PLCZ1: variants seen among roughly 807,000 people sequenced by gnomAD.
The protein encoded by PLCZ1 is 1-phosphatidylinositol 4,5-bisphosphate phosphodiesterase zeta-1.
A neutral mutation model predicts 76.8 loss-of-function variants in PLCZ1; 64 were observed. The observed-to-expected ratio is 0.83, with a 90% CI of 0.68 to 1.03. The LOEUF is 1.03. Ranked by LOEUF, PLCZ1 falls within the 50% of genes least tolerant of loss-of-function variation. The probability of loss-of-function intolerance (pLI) is 0.00; values close to 1 mark genes in which losing one functional copy is unlikely to be tolerated. For missense variants in PLCZ1, 751 were observed against 713.7 expected (o/e 1.05, Z -0.60); for synonymous variants, 248 against 230.8 (o/e 1.07, Z -0.68).
chr12:18,721,755 C>A (rs1222547528), intron 4 of PLCZ1, among the ~76,000 whole-genome samples: 1 of 151,294 alleles, frequency 6.6e-6, no homozygotes, highest in Non-Finnish European at 1.5e-5. Context: ...ATCAGTTCTG[C>A]TTAGTGATAT....
the PLCZ1 span, among the ~76,000 whole-genome samples, chr12:18,661,088 C>A: frequency 1.3e-5 from 2 of 152,006 alleles, no homozygotes; most frequent in African/African-American, 4.8e-5. Flanking sequence ...GAGGACAGAA[C>A]AATGGAAATT....
intron 3 of PLCZ1, 88 bp from the exon 4 acceptor site, chr12:18,723,630 T>C: frequency 9.9e-7 from 1 of 1,012,226 alleles, no homozygotes. Flanking sequence ...CATGTAGTAA[T>C]TTATACTTGA....
chr12:18,694,373 G>A (rs1592054495), intron 12 of PLCZ1, among the ~76,000 whole-genome samples: 1 of 152,156 alleles, frequency 6.6e-6, no homozygotes, highest in Non-Finnish European at 1.5e-5. Flanking sequence ...ATATGTTAAA[G>A]TTGACACAAA....
At chr12:18,647,985 T>G in the PLCZ1 span, 1 of 1,597,872 alleles carries the variant, frequency 6.3e-7, no homozygotes, top group Non-Finnish European at 8.5e-7. Context: ...AGTGTCCCAC[T>G]CGATAAAGAA....
the PLCZ1 span, among the ~76,000 whole-genome samples, chr12:18,667,404 A>G: frequency 1.3e-3 from 205 of 152,266 alleles, 1 homozygote; most frequent in African/African-American, 4.7e-3. Flanking sequence ...GATTACCTGT[A>G]TCTATCTGCT....
chr12:18,733,468 T>G (rs1592297653), intron 3 of PLCZ1, among the ~76,000 whole-genome samples: 1 of 152,212 alleles, frequency 6.6e-6, no homozygotes, highest in South Asian at 2.1e-4. Flanking sequence ...ATCCCACTTT[T>G]CTATTTTTAG....
intron 9 of PLCZ1, among the ~76,000 whole-genome samples, chr12:18,700,548 C>A (rs903043576): frequency 3.8e-5 from 5 of 131,522 alleles, no homozygotes; most frequent in East Asian, 4.9e-4. Context: ...AGTTGCTCTG[C>A]CAAGAGATAG....
the PLCZ1 span, among the ~76,000 whole-genome samples, chr12:18,650,704 G>GTGTATA: frequency 5.2e-5 from 3 of 57,764 alleles, no homozygotes; most frequent in Non-Finnish European, 8.1e-5. Context: ...GTGTGTGTGT[G>GTGTATA]TATATATCTA....
At chr12:18,688,250 G>A (rs1365361786) in intron 12 of PLCZ1, 32 bp from the exon 13 acceptor site, 2 of 1,578,948 alleles carry the variant, frequency 1.3e-6, no homozygotes, top group East Asian at 2.3e-5. Flanking sequence ...TAAGAATTTA[G>A]CAAGATATTA....
chr12:18,651,769 G>T, the PLCZ1 span, among the ~76,000 whole-genome samples: 1 of 152,160 alleles, frequency 6.6e-6, no homozygotes, highest in Non-Finnish European at 1.5e-5. Context: ...CCAAGGGAAG[G>T]CTCCTTGCAG....
rs901667641 is a variant in PLCZ1, at chr12:18,727,047, C to T, written c.136-3505G>A. ...AGTAGGCATGGAAGTATACAGGTGC[C>T]GAAATATAATCTTTGTAGCTGAGCA... On this transcript the variant is annotated intron_variant, in intron 3 of 14. Transcript: ENST00000266505. 1.6e-4 allele frequency among the ~76,000 whole-genome samples: 24 copies of T among 152,046 alleles called. 1 individual carries two copies. Among genetic ancestry groups the T allele is most frequent in the Middle Eastern group, 6.8e-3 (2 of 294 alleles).
In PLCZ1 at chr12:18,736,204, G is replaced by A; in HGVS notation, c.135+17C>T. 2 of 1,610,534 alleles carry A rather than the reference G, an allele frequency of 1.2e-6. No homozygotes were observed. Among genetic ancestry groups the A allele is most frequent in the Non-Finnish European group, 8.5e-7 (1 of 1,177,590 alleles). On this transcript the variant is annotated intron_variant, in intron 3 of 14. Coordinates refer to ENST00000266505, the MANE Select transcript of PLCZ1 (RefSeq NM_033123.4). ...TCCACCTAGGATAGGATAGGCAGGG[G>A]GTGGATGTCATCTTACCTTAAAAAT...
intron 3 of PLCZ1, among the ~76,000 whole-genome samples, chr12:18,731,533 C>CTTTTTTTT (rs34568267): frequency 1.1e-5 from 1 of 94,352 alleles, no homozygotes; most frequent in Non-Finnish European, 1.9e-5. Context: ...AATAAGCTGT[C>CTTTTTTTT]TTTTTTTTTT....
chr12:18,698,044 CAGGTCCTGTCCTCATGAACAACATG>C (rs1187838039), intron 10 of PLCZ1, among the ~76,000 whole-genome samples: 7 of 151,300 alleles, frequency 4.6e-5, no homozygotes, highest in South Asian at 2.1e-4. Flanking sequence ...GCTGTGCCTA[CAGGTCCTGTCCTCATGAACAACATG>C]AGGACCTGTC....
the PLCZ1 span, among the ~76,000 whole-genome samples, chr12:18,652,459 G>T: frequency 6.6e-6 from 1 of 152,096 alleles, no homozygotes; most frequent in Non-Finnish European, 1.5e-5. Context: ...CTCTCAAAAG[G>T]AACCAACCAT....
At chr12:18,666,322 G>A in the PLCZ1 span, among the ~76,000 whole-genome samples, 2 of 151,888 alleles carry the variant, frequency 1.3e-5, no homozygotes, top group Non-Finnish European at 2.9e-5. Context: ...TAAGAAGCAC[G>A]ATCCAATTAT....
chr12:18,694,130 G>C, intron 12 of PLCZ1: 1 of 892,742 alleles, frequency 1.1e-6, no homozygotes, highest in Non-Finnish European at 1.8e-6. Flanking sequence ...GAAAATGGTT[G>C]GGTGATTTCT....
the PLCZ1 span, among the ~76,000 whole-genome samples, chr12:18,658,440 G>A: frequency 3.3e-5 from 5 of 152,068 alleles, no homozygotes; most frequent in Non-Finnish European, 7.4e-5. Flanking sequence ...AGCAGCAGGA[G>A]AGAAGCAAGT....
the PLCZ1 span, among the ~76,000 whole-genome samples, chr12:18,671,482 C>A: frequency 4.6e-5 from 7 of 152,052 alleles, no homozygotes; most frequent in African/African-American, 1.7e-4. Context: ...GAAGATCACA[C>A]ATGAGATCAG....
Sources: allele counts gnomAD v4.1 joint callset (sites outside exome capture counted in the v4.1 genomes callset), GRCh38; gene constraint gnomAD v4.1.1; transcripts MANE v1.5; gene names NCBI Gene and HGNC (gene_info 2026-07-23, HGNC 2026-07-21).